Variants in RABGEF1 observed in about 807,000 individuals in gnomAD.
RABGEF1 encodes RAB guanine nucleotide exchange factor 1.
A neutral mutation model predicts 57.3 loss-of-function variants in RABGEF1; 26 were observed. That is an observed-to-expected ratio of 0.45 (90% CI 0.33 to 0.63). RABGEF1 has a LOEUF of 0.63. RABGEF1 is among the 20% of genes least tolerant of loss of function. The pLI, the probability that RABGEF1 is intolerant of heterozygous loss-of-function variation, is 0.02. For missense variants in RABGEF1, 464 were observed against 607.6 expected, an observed-to-expected ratio of 0.76 and a Z score of 2.48; for synonymous variants, 185 against 210.7, an observed-to-expected ratio of 0.88 and a Z score of 1.06.
In RABGEF1 at chr7:66,753,353, A is replaced by C. The variant is rs185876361; in HGVS notation, c.-18+12561A>C. Among the ~76,000 whole-genome samples the C allele has an allele frequency of 2.4e-3, 363 of 152,336 alleles. 1 individual carries two copies. The highest frequency in any genetic ancestry group is 4.5e-3 in the Non-Finnish European group (306 of 68,030). ...TTGCTGTGAACCCAGAGTTCGATGT[A>C]AATTTGTGGAAAACTCATTTCTTCT... is the stretch of plus-strand genomic sequence containing the variant. On this transcript the variant is annotated intron_variant, in intron 1 of 8. Coordinates refer to ENST00000284957, the MANE Select transcript of RABGEF1 (RefSeq NM_014504.3).
intron 1 of RABGEF1, among the ~76,000 whole-genome samples, chr7:66,758,689 T>C (rs182112324): frequency 1.1e-4 from 16 of 151,838 alleles, no homozygotes; most frequent in Admixed American, 9.2e-4. Context: ...GTGTGCCGAC[T>C]CTCCTGCCTT....
intron 1 of RABGEF1, among the ~76,000 whole-genome samples, chr7:66,694,233 C>G (rs1791986033): frequency 6.6e-6 from 1 of 152,258 alleles, no homozygotes; most frequent in Non-Finnish European, 1.5e-5. Context: ...GCGGTGGCAT[C>G]TGGCATGGTA....
chr7:66,768,637 T>C (rs1806331493), intron 1 of RABGEF1, among the ~76,000 whole-genome samples: 1 of 152,028 alleles, frequency 6.6e-6, no homozygotes, highest in African/African-American at 2.4e-5. Context: ...CTGTTTCATA[T>C]ATGTGCTGAT....
At chr7:66,722,323 C>A (rs1032556420) in intron 2 of RABGEF1, among the ~76,000 whole-genome samples, 5 of 152,122 alleles carry the variant, frequency 3.3e-5, no homozygotes, top group African/African-American at 1.2e-4. Context: ...GCCTGTAATC[C>A]CAGCTACTCA....
In RABGEF1 at chr7:66,805,198, G is replaced by A; in HGVS notation, c.879G>A (p.Lys293=). Residue 293 remains lysine, a synonymous_variant, in exon 8 of 9, where the codon AAG becomes AAA. Transcript: ENST00000284957. ...GAGACAAGCTGGCCTGCATCACCAA[G>A]TGCAGCAAGCACATCTTCAATGCCA... ...VPRDKLACIT[K]CSKHIFNAIK... 3.1e-6 allele frequency: 5 copies of A among 1,613,796 alleles called. No homozygotes were observed. Among genetic ancestry groups the A allele is most frequent in the African/African-American group, 1.3e-5 (1 of 75,010 alleles).
intron 7 of RABGEF1, among the ~76,000 whole-genome samples, chr7:66,802,571 GT>G (rs1180973197): frequency 3.3e-5 from 5 of 152,204 alleles, no homozygotes; most frequent in African/African-American, 9.6e-5. Context: ...AGTTTCCTGT[GT>G]GTTGCTTTCT....
chr7:66,732,501 A>G (rs541902592), intron 2 of RABGEF1, among the ~76,000 whole-genome samples: 2 of 152,092 alleles, frequency 1.3e-5, no homozygotes, highest in East Asian at 3.9e-4. Context: ...CATATACCCA[A>G]GTATCTCCCA....
chr7:66,778,352 C>T (rs1455097406), intron 3 of RABGEF1, among the ~76,000 whole-genome samples: 2 of 152,150 alleles, frequency 1.3e-5, no homozygotes, highest in African/African-American at 2.4e-5. Flanking sequence ...GAGTTGGATA[C>T]GCCTTCAGAG....
At chr7:66,793,908 G>A (rs1313979943) in intron 4 of RABGEF1, among the ~76,000 whole-genome samples, 1 of 152,200 alleles carries the variant, frequency 6.6e-6, no homozygotes, top group Non-Finnish European at 1.5e-5. Context: ...GATGAAGTCT[G>A]TGACAGCCCG....
At chr7:66,662,270 C>T in the RABGEF1 span, among the ~76,000 whole-genome samples, 2 of 151,628 alleles carry the variant, frequency 1.3e-5, no homozygotes, top group African/African-American at 4.9e-5. Context: ...AGTTCAAGAC[C>T]AGCCTGTGCA....
In RABGEF1 at chr7:66,805,307, C is replaced by T. The variant is rs558434519; in HGVS notation, c.988C>T (p.Arg330Cys). The T allele has an allele frequency of 6.2e-6, 10 of 1,613,556 alleles. No individual in the cohort carries two copies. Among genetic ancestry groups the T allele is most frequent in the African/African-American group, 1.3e-5 (1 of 75,014 alleles). ...CATTGTTTTGAAGGGCAACCCCCCA[C>T]GCCTTCAGTCTAATATCCAGTATAT... Reference protein sequence around the residue: ...IYIVLKGNPPRLQSNIQYITR... With the variant: ...IYIVLKGNPPCLQSNIQYITR... The change falls in exon 8 of 9, where the codon CGC becomes TGC. Residue 330 changes from arginine to cysteine, a missense_variant. Arg to Cys is a radical substitution (Grantham distance 180). Around this residue, in one of 4 missense-constraint regions of RABGEF1, gnomAD observed 284 missense variants for 389.9 expected, o/e 0.73. Transcript: ENST00000284957.
chr7:66,728,983 C>A (rs1796973972), intron 2 of RABGEF1, among the ~76,000 whole-genome samples: 1 of 146,510 alleles, frequency 6.8e-6, no homozygotes, highest in African/African-American at 2.5e-5. Context: ...CAGAGTCTTG[C>A]TCTGTCACCC....
chr7:66,655,088 C>G, the RABGEF1 span, among the ~76,000 whole-genome samples: 1 of 152,222 alleles, frequency 6.6e-6, no homozygotes, highest in Non-Finnish European at 1.5e-5. Flanking sequence ...CAGACCACAG[C>G]TCTTGGCCGC....
At chr7:66,683,495 A>C (rs1297408957) in intron 1 of RABGEF1, among the ~76,000 whole-genome samples, 1 of 152,186 alleles carries the variant, frequency 6.6e-6, no homozygotes, top group Non-Finnish European at 1.5e-5. Flanking sequence ...CCAGTTGAGG[A>C]GAAGGGACAG....
upstream of RABGEF1, among the ~76,000 whole-genome samples, chr7:66,679,749 G>C (rs1789560332): frequency 6.6e-6 from 1 of 152,170 alleles, no homozygotes; most frequent in African/African-American, 2.4e-5. Flanking sequence ...TCATTGTGGG[G>C]CCAGGGGCCT....
intron 1 of RABGEF1, among the ~76,000 whole-genome samples, chr7:66,758,380 C>T (rs1258722087): frequency 6.6e-6 from 1 of 152,154 alleles, no homozygotes; most frequent in Non-Finnish European, 1.5e-5. Context: ...CCTAACTGTC[C>T]CAGCAGCAGA....
At chr7:66,704,547 ACACCTGTAAT>A (rs1793729555) in intron 1 of RABGEF1, among the ~76,000 whole-genome samples, 1 of 152,052 alleles carries the variant, frequency 6.6e-6, no homozygotes. Flanking sequence ...GCGGTGGCTC[ACACCTGTAAT>A]CCCAGCACTT....
the RABGEF1 span, among the ~76,000 whole-genome samples, chr7:66,672,386 C>G: frequency 2.6e-5 from 4 of 152,088 alleles, no homozygotes; most frequent in African/African-American, 9.7e-5. Flanking sequence ...GAGCCGAGAT[C>G]GTGCCACTGC....
intron 1 of RABGEF1, among the ~76,000 whole-genome samples, chr7:66,710,538 C>T (rs1009605683): frequency 6.6e-6 from 1 of 152,186 alleles, no homozygotes; most frequent in Non-Finnish European, 1.5e-5. Flanking sequence ...ATATCTTTGT[C>T]AGCACTTATA....
Sources: gnomAD v4.1 joint callset for allele counts (sites outside exome capture counted in the v4.1 genomes callset) on GRCh38, gnomAD v4.1.1 for gene constraint, gnomAD v4.1.1 regional missense constraint, MANE v1.5 for transcripts, NCBI Gene and HGNC (gene_info 2026-07-23, HGNC 2026-07-21) for gene names.